DDX10: variants seen among roughly 807,000 people sequenced by gnomAD.
The protein encoded by DDX10 is probable ATP-dependent RNA helicase DDX10.
Under a neutral mutation model 104.3 loss-of-function variants are expected in DDX10, and 74 were observed. The ratio of observed to expected loss-of-function variants is 0.71; its 90% CI spans 0.59 to 0.86. The LOEUF (loss-of-function observed/expected upper bound fraction) is 0.86. DDX10 is among the 40% of genes least tolerant of loss of function. DDX10 has a pLI of 0.00. For synonymous variants in DDX10, 351 were observed against 353.4 expected, an observed-to-expected ratio of 0.99 and a Z score of 0.08; for missense variants, 952 against 1,040.0, an observed-to-expected ratio of 0.92 and a Z score of 1.16.
At chr11:108,705,868 T>G (rs2094275102) in intron 9 of DDX10, among the ~76,000 whole-genome samples, 1 of 152,204 alleles carries the variant, frequency 6.6e-6, no homozygotes, top group Non-Finnish European at 1.5e-5. Context: ...TTGTGGCCCA[T>G]GTCAGTACAA....
intron 14 of DDX10, 139 bp downstream of exon 14, chr11:108,838,704 TA>T: frequency 2.1e-6 from 2 of 971,416 alleles, no homozygotes; most frequent in Non-Finnish European, 1.5e-6. Context: ...ACTGTTACTG[TA>T]GGCTGTACAT....
intron 13 of DDX10, among the ~76,000 whole-genome samples, chr11:108,758,678 CA>C: frequency 6.6e-6 from 1 of 152,132 alleles, no homozygotes; most frequent in African/African-American, 2.4e-5. Flanking sequence ...AACAGTGGGT[CA>C]AGTGCCAAAT....
intron 16 of DDX10, among the ~76,000 whole-genome samples, chr11:108,853,018 G>A (rs904949940): frequency 6.6e-6 from 1 of 152,034 alleles, no homozygotes; most frequent in African/African-American, 2.4e-5. Context: ...ACTTAAGAGA[G>A]CAAGTCAGAG....
At position 108,800,441 on chromosome 11, in the gene DDX10, TCA is replaced by T. The variant is rs1491389860; in HGVS notation, c.1966-38004_1966-38003del. Among the ~76,000 whole-genome samples, 55 of 5,172 alleles carry T rather than the reference TCA, an allele frequency of 0.011. 2 individuals are homozygous for T. The South Asian group carries it at 0.26, about 25-fold the overall frequency. The allele number at this position is 5,172 out of a possible 152,430, so 3.4% of individuals were successfully genotyped here. On this transcript the variant is annotated intron_variant, in intron 13 of 17. Transcript: ENST00000322536. The stretch of plus-strand genomic sequence containing the variant: ...GCCTGGGCGACAGAGCGAGACTCTT[TCA>T]AAAAAAAAAAAAAAAAAAAGAACAT...
chr11:108,738,251 C>CTTT lies in DDX10; in HGVS notation c.1965+14800_1965+14802dup, dbSNP rs55902143. On this transcript the variant is annotated intron_variant, in intron 13 of 17. Transcript: ENST00000322536. ...CCTACTCAAATCTTCTGAGACTGAA[C>CTTT]TTTTTTTTTTTTTAAAGGAATCTAT... is the stretch of plus-strand genomic sequence containing the variant. Among the ~76,000 whole-genome samples the CTTT allele has an allele frequency of 1.9e-4, 28 of 144,088 alleles. No individual in the cohort carries two copies. The East Asian group carries it at 2.3e-3, about 12-fold the overall frequency. The allele number at this position is 144,088 out of a possible 152,430, so 94.5% of individuals were successfully genotyped here. A position where few individuals can be genotyped will look rare whatever the true frequency, so the allele number is the denominator to read the frequency against.
chr11:108,733,882 A>G (rs1040680123), intron 13 of DDX10, among the ~76,000 whole-genome samples: 4 of 151,824 alleles, frequency 2.6e-5, no homozygotes, highest in Non-Finnish European at 4.4e-5. Context: ...TCACCCTTGC[A>G]GTTGGGTTTT....
At chr11:108,760,633 A>G (rs1268526685) in intron 13 of DDX10, among the ~76,000 whole-genome samples, 1 of 150,412 alleles carries the variant, frequency 6.6e-6, no homozygotes, top group Non-Finnish European at 1.5e-5. Flanking sequence ...ATAAGATCAT[A>G]CTGGGATTTA....
chr11:108,672,920 C>T (rs527253968), intron 1 of DDX10, among the ~76,000 whole-genome samples: 5 of 152,346 alleles, frequency 3.3e-5, no homozygotes, highest in African/African-American at 9.6e-5. Flanking sequence ...TAATACTCCT[C>T]CTTCAGTAAC....
At chr11:108,724,957 A>G (rs1350788939) in intron 13 of DDX10, among the ~76,000 whole-genome samples, 1 of 152,118 alleles carries the variant, frequency 6.6e-6, no homozygotes, top group Non-Finnish European at 1.5e-5. Context: ...AGAATAGAAC[A>G]GCGTCATCAC....
At chr11:108,745,037 TCCTTCCCCCTTCCCCCTTCCC>T (rs200885716) in intron 13 of DDX10, among the ~76,000 whole-genome samples, 4 of 54,924 alleles carry the variant, frequency 7.3e-5, no homozygotes, top group East Asian at 6.6e-4. Context: ...AATTACTTTT[TCCTTCCCCCTTCCCCCTTCCC>T]CCTTCCCCCT....
At chr11:108,752,280 G>A (rs987398892) in intron 13 of DDX10, among the ~76,000 whole-genome samples, 2 of 152,084 alleles carry the variant, frequency 1.3e-5, no homozygotes, top group Admixed American at 6.6e-5. Flanking sequence ...GGTTCCTCTT[G>A]CTTCTGATGC....
chr11:108,819,503 A>G (rs1307791347), intron 13 of DDX10, among the ~76,000 whole-genome samples: 1 of 152,230 alleles, frequency 6.6e-6, no homozygotes, highest in African/African-American at 2.4e-5. Flanking sequence ...TTTAAAATAT[A>G]CAAGAAAAAC....
chr11:108,896,786 A>G (rs965088112), intron 16 of DDX10, among the ~76,000 whole-genome samples: 17 of 152,130 alleles, frequency 1.1e-4, no homozygotes, highest in African/African-American at 3.6e-4. Flanking sequence ...AATGCTTGGT[A>G]CACATATAAT....
At chr11:108,671,808 C>G (rs539393150) in intron 1 of DDX10, among the ~76,000 whole-genome samples, 1 of 152,036 alleles carries the variant, frequency 6.6e-6, no homozygotes, top group African/African-American at 2.4e-5. Flanking sequence ...GCCTGTAATC[C>G]CAGCACTTTG....
intron 16 of DDX10, among the ~76,000 whole-genome samples, chr11:108,862,213 A>C (rs1477590655): frequency 1.4e-4 from 22 of 152,176 alleles, no homozygotes; most frequent in Middle Eastern, 3.2e-3. Flanking sequence ...TGATAGAAAC[A>C]GGATCTCTCT....
chr11:108,858,360 A>G (rs1158996317), intron 16 of DDX10, among the ~76,000 whole-genome samples: 1 of 152,164 alleles, frequency 6.6e-6, no homozygotes, highest in Admixed American at 6.5e-5. Flanking sequence ...AGTTTTTTTC[A>G]TGGATGGCAC....
chr11:108,881,988 G>T (rs1863233051), intron 16 of DDX10, among the ~76,000 whole-genome samples: 1 of 152,146 alleles, frequency 6.6e-6, no homozygotes, highest in Admixed American at 6.6e-5. Flanking sequence ...GAGCAAACCA[G>T]TAGGAGATCC....
rs951913208 is a variant in DDX10 at position 108,723,135 on chromosome 11, A to G, written c.1638A>G (p.Glu546=). The G allele has an allele frequency of 7.1e-5, 114 of 1,613,828 alleles. No homozygotes were observed. Among genetic ancestry groups the G allele is most frequent in the Non-Finnish European group, 9.4e-5 (111 of 1,179,912 alleles). The change falls in exon 13 of 18, where the codon GAA becomes GAG. Residue 546 remains glutamate (E), a synonymous_variant. Coordinates refer to ENST00000322536, the MANE Select transcript of DDX10 (RefSeq NM_004398.4). ...CCTCCCTCACCAATGACGAAGTGGA[A>G]GAATTTAGAGCCTACTTCAATGAGA... ...RAPSLTNDEV[E]EFRAYFNEKM...
chr11:108,819,277 C>T (rs1340186164), intron 13 of DDX10, among the ~76,000 whole-genome samples: 1 of 152,004 alleles, frequency 6.6e-6, no homozygotes, highest in Non-Finnish European at 1.5e-5. Context: ...TTTATTTTAC[C>T]TCTACTTGTA....
Sources: allele counts gnomAD v4.1 joint callset (sites outside exome capture counted in the v4.1 genomes callset), GRCh38; gene constraint gnomAD v4.1.1; transcripts MANE v1.5; gene names NCBI Gene and HGNC (gene_info 2026-07-23, HGNC 2026-07-21).